Variants in TAGAP observed in about 807,000 individuals in gnomAD.
TAGAP encodes the protein T cell activation RhoGTPase activating protein.
A neutral mutation model predicts 36.0 loss-of-function variants in TAGAP; 16 were observed. That is an observed-to-expected ratio of 0.44 (90% CI 0.30 to 0.68). TAGAP has a LOEUF of 0.68. TAGAP is among the 30% of genes least tolerant of loss of function. The pLI, the probability that TAGAP is intolerant of heterozygous loss-of-function variation, is 0.09. For missense variants in TAGAP, 794 were observed against 921.5 expected (o/e 0.86, Z 1.79); for synonymous variants, 372 against 377.4 (o/e 0.99, Z 0.17).
Position 159,043,593 on chromosome 6 carries a change from G to T in TAGAP, c.144C>A (p.Leu48=). The T allele has an allele frequency of 6.2e-7, 1 of 1,614,020 alleles. No homozygotes were observed. The highest frequency in any genetic ancestry group is 1.1e-5 in the South Asian group (1 of 91,066). ...SCESEDSICQ[L]IEVKKRKKVL... The stretch of plus-strand genomic sequence containing the variant: ...CGGTATGTTTTTAAAACTCACCAAT[G>T]AGCTGGCAAATACTGTCTTCACTCT... The change falls in exon 4 of 10, where the codon CTC becomes CTA. Residue 48 remains leucine, a synonymous_variant. Transcript: ENST00000367066.
chr6:159,038,920 G>A, intron 8 of TAGAP, 194 bp downstream of exon 8: 1 of 1,428,576 alleles, frequency 7.0e-7, no homozygotes, highest in Non-Finnish European at 9.2e-7. Context: ...GATGACAGAA[G>A]ACACGGATTT....
Position 159,036,207 on chromosome 6 carries a change from T to C in TAGAP, c.1816A>G (p.Arg606Gly). ...YEEAMQGPAA[R>G]LVASESQTVG... ...GTCTGGCTCTCGGAGGCCACTAGTCTGGCTGCCGGGCCCTGCATGGCCTCT... is the reference window on the plus strand; with the variant it reads ...GTCTGGCTCTCGGAGGCCACTAGTCCGGCTGCCGGGCCCTGCATGGCCTCT... The change falls in exon 10 of 10, where the codon AGA becomes GGA. Residue 606 changes from arginine to glycine, a missense_variant. By Grantham distance (125) the Arg-to-Gly change is moderately radical. Transcript: ENST00000367066. This position sits in a 1 kb window ranked among gnomAD's most constrained non-coding sequence, Gnocchi z 4.9. 6.2e-7 allele frequency: 1 copy of C among 1,610,792 alleles called. No homozygotes were observed. The highest frequency in any genetic ancestry group is 8.5e-7 in the Non-Finnish European group (1 of 1,178,824).
Position 159,036,370 on chromosome 6 carries a change from G to C in TAGAP, c.1653C>G (p.Gly551=). ...CACACCCATTTTCCTGCACGATTCG[G>C]CCGGCAAGCTGGCTTTCCTTTCTGA... ...RGVRKESQLA[G]RIVQENGCET... The change falls in exon 10 of 10, where the codon GGC becomes GGG. Residue 551 remains glycine, a synonymous_variant. Transcript: ENST00000367066. This position sits in a 1 kb window ranked among gnomAD's most constrained non-coding sequence, Gnocchi z 4.9. 6.2e-7 allele frequency: 1 copy of C among 1,614,060 alleles called. No homozygotes were observed.
chr6:159,043,826 T>C (rs897566984), intron 3 of TAGAP, 152 bp downstream of exon 3: 14 of 965,020 alleles, frequency 1.5e-5, no homozygotes, highest in Non-Finnish European at 2.2e-5. Context: ...TGTCATCATA[T>C]AAGATCCTAA....
chr6:159,036,929 A>C lies in TAGAP; in HGVS notation c.1094T>G (p.Leu365Arg). The C allele has an allele frequency of 6.2e-7, 1 of 1,613,654 alleles. No homozygotes were observed. Among genetic ancestry groups the C allele is most frequent in the Non-Finnish European group, 8.5e-7 (1 of 1,179,640 alleles). ...PEPIVSTVAR[L>R]KSSLAQPDRR... ...ATCGGGCTGTGCGAGGGAGCTTTTC[A>C]GCCTGGCCACGGTGCTCACAATGGG... The change falls in exon 10 of 10, where the codon CTG (leucine) becomes CGG (arginine). Residue 365 changes from leucine (L) to arginine (R), a missense_variant. Coordinates refer to ENST00000367066, the MANE Select transcript of TAGAP (RefSeq NM_054114.5). This position sits in a 1 kb window ranked among gnomAD's most constrained non-coding sequence, Gnocchi z 4.9.
At position 159,041,011 on chromosome 6, in the gene TAGAP, C is replaced by T. The variant is rs1280291244; in HGVS notation, c.478-179G>A. 3 of 597,558 alleles carry T rather than the reference C, an allele frequency of 5.0e-6. No homozygotes were observed. In the African/African-American group the frequency reaches 5.6e-5, roughly 11 times the overall value. 37.0% of individuals were successfully genotyped at this position (597,558 alleles called of 1,614,324 possible). ...CCTCTCTCCAACACCCTTGGCCTCT[C>T]TGCAACTTTCTAACATCAGGCAGAG... On this transcript the variant is annotated intron_variant, in intron 6 of 9. Coordinates refer to ENST00000367066, the MANE Select transcript of TAGAP (RefSeq NM_054114.5). This position sits in a 1 kb window ranked among gnomAD's most constrained non-coding sequence, Gnocchi z 4.1.
In TAGAP at chr6:159,035,023, T is replaced by C. The variant is rs1439942674; in HGVS notation, c.*804A>G. 6.6e-6 allele frequency: 1 copy of C among 152,342 alleles called. No individual in the cohort carries two copies. The highest frequency in any genetic ancestry group is 1.5e-5 in the Non-Finnish European group (1 of 68,032). 9.4% of individuals were successfully genotyped at this position (152,342 alleles called of 1,614,324 possible). ...CTTTCAAATAAGGAAGGCAATTTAT[T>C]GTAGTGAAATTACATTGAAGTTTTA... On this transcript the variant is annotated 3_prime_UTR_variant, in exon 10 of 10. Coordinates refer to ENST00000367066, the MANE Select transcript of TAGAP (RefSeq NM_054114.5).
rs1387800765 is a variant in TAGAP, at chr6:159,036,973, G to T, written c.1050C>A (p.Ala350=). 2.5e-6 allele frequency: 4 copies of T among 1,613,544 alleles called. No homozygotes were observed. The highest frequency in any genetic ancestry group is 1.3e-5 in the African/African-American group (1 of 74,852). ...AGLDSAGPQD[A]REVSPEPIVS... is the part of the protein sequence containing the mutation. ...CAATGGGCTCTGGGCTGACCTCTCG[G>T]GCATCCTGTGGGCCCGCGCTATCCA... The change falls in exon 10 of 10, where the codon GCC becomes GCA. Residue 350 remains alanine (A), a synonymous_variant. Coordinates refer to ENST00000367066, the MANE Select transcript of TAGAP (RefSeq NM_054114.5). The surrounding 1 kb of genome is among the most constrained non-coding windows in gnomAD (Gnocchi z 4.9).
rs1461708347 is a variant in TAGAP, at chr6:159,043,489, C to A, written c.148+100G>T. 6.3e-6 allele frequency: 7 copies of A among 1,113,830 alleles called. No homozygotes were observed. The East Asian group carries it at 1.7e-4, about 26-fold the overall frequency. The allele number at this position is 1,113,830 out of a possible 1,614,324, so 69.0% of individuals were successfully genotyped here. A position where few individuals can be genotyped will look rare whatever the true frequency, so the allele number is the denominator to read the frequency against. On this transcript the variant is annotated intron_variant, in intron 4 of 9. Coordinates refer to ENST00000367066, the MANE Select transcript of TAGAP (RefSeq NM_054114.5). Reference sequence around the variant, plus strand: ...GCGGTCTTTAACAGAACAACTTATACAAAAAAATTCCTAGTAGAGTAAAAG... The same window carrying A: ...GCGGTCTTTAACAGAACAACTTATAAAAAAAAATTCCTAGTAGAGTAAAAG...
At position 159,036,759 on chromosome 6, in the gene TAGAP, A is replaced by G. The variant is rs1179713135; in HGVS notation, c.1264T>C (p.Phe422Leu). 15 of 1,614,130 alleles carry G rather than the reference A, an allele frequency of 9.3e-6. No individual in the cohort carries two copies. Among genetic ancestry groups the G allele is most frequent in the Non-Finnish European group, 1.2e-5 (14 of 1,179,990 alleles). ...ACTGCAGGGAAGACCTCCTCTGGAA[A>G]TGGGTCTTCAGCCTCCTCACTTTCC... ...RLESEEAEDP[F>L]PEEVFPAVQG... The change falls in exon 10 of 10, where the codon TTT becomes CTT. Residue 422 changes from phenylalanine to leucine, a missense_variant. Transcript: ENST00000367066. This position sits in a 1 kb window ranked among gnomAD's most constrained non-coding sequence, Gnocchi z 4.9.
At chr6:159,044,819 GA>G in intron 1 of TAGAP, 59 bp downstream of exon 1, 1 of 397,626 alleles carries the variant, frequency 2.5e-6, no homozygotes, top group Non-Finnish European at 4.4e-6. Context: ...TGATCTGAGT[GA>G]CCTGTGACTT....
chr6:159,043,515 C>T, intron 4 of TAGAP, 74 bp downstream of exon 4: 2 of 1,405,506 alleles, frequency 1.4e-6, no homozygotes, highest in Non-Finnish European at 2.0e-6. Context: ...AGAGTAAAAG[C>T]GCTGTGGTTT....
Position 159,044,212 on chromosome 6 carries a change from G to A in TAGAP, c.-58-8C>T. ...GTGTGGCTGTGCCTCTGTCTACAAC[G>A]AATCACATGGAAAGGAGTTAGGAGG... On this transcript the variant is annotated splice_polypyrimidine_tract_variant and splice_region_variant and intron_variant, in intron 1 of 9. Transcript: ENST00000367066. The A allele has an allele frequency of 3.2e-6, 5 of 1,563,880 alleles. No homozygotes were observed. Among genetic ancestry groups the A allele is most frequent in the East Asian group, 4.5e-5 (2 of 44,330 alleles).
Position 159,039,104 on chromosome 6 carries a change from C to A in TAGAP, c.783+10G>T. ...AAGTTGGGGATTTCTCATCAGTAAG[C>A]AGAACAAACCTTGTTGTTCAGGTCC... On this transcript the variant is annotated intron_variant, in intron 8 of 9. Transcript: ENST00000367066. 6.2e-7 allele frequency: 1 copy of A among 1,614,172 alleles called. No individual in the cohort carries two copies. The highest frequency in any genetic ancestry group is 8.5e-7 in the Non-Finnish European group (1 of 1,180,018).
At position 159,041,643 on chromosome 6, in the gene TAGAP, C is replaced by A. The variant is rs74604311; in HGVS notation, c.316-128G>T. ...AGTTGCTGTCAATGGCCTTCCTCAACCCTGCTATTTTTCTAAGAGGAGGCA... is the reference window on the plus strand; with the variant it reads ...AGTTGCTGTCAATGGCCTTCCTCAAACCTGCTATTTTTCTAAGAGGAGGCA... On this transcript the variant is annotated intron_variant, in intron 5 of 9. Coordinates refer to ENST00000367066, the MANE Select transcript of TAGAP (RefSeq NM_054114.5). This position sits in a 1 kb window ranked among gnomAD's most constrained non-coding sequence, Gnocchi z 4.1. 9.1e-7 allele frequency: 1 copy of A among 1,094,178 alleles called. No homozygotes were observed. Among genetic ancestry groups the A allele is most frequent in the Non-Finnish European group, 1.3e-6 (1 of 798,130 alleles). The allele number at this position is 1,094,178 out of a possible 1,614,324, so 67.8% of individuals were successfully genotyped here. A position where few individuals can be genotyped will look rare whatever the true frequency, so the allele number is the denominator to read the frequency against.
At position 159,044,008 on chromosome 6, in the gene TAGAP, A is replaced by G; in HGVS notation, c.51T>C (p.Asn17=). ...ATTGACATTCGATTAGTGTCTCCAT[A>G]TTATTGGCGTTTAGTGTTTTTGACT... ...HNASKTLNAN[N]METLIECQSE... The change falls in exon 3 of 10, where the codon AAT becomes AAC. Residue 17 remains asparagine (N), a synonymous_variant. Transcript: ENST00000367066. The G allele has an allele frequency of 1.2e-6, 2 of 1,613,938 alleles. No homozygotes were observed. The highest frequency in any genetic ancestry group is 1.3e-5 in the African/African-American group (1 of 75,056).
intron 4 of TAGAP, 200 bp from the exon 5 acceptor site, chr6:159,042,444 T>C: frequency 8.1e-7 from 1 of 1,229,304 alleles, no homozygotes; most frequent in Non-Finnish European, 1.1e-6. Flanking sequence ...ACCACACTGT[T>C]ACCAGGGCAA....
rs145619685 is a variant in TAGAP, at chr6:159,036,193, G to A, written c.1830C>T (p.Ser610=). The A allele has an allele frequency of 5.9e-4, 946 of 1,610,920 alleles. No homozygotes were observed. The highest frequency in any genetic ancestry group is 7.0e-4 in the Non-Finnish European group (824 of 1,178,726). ...MQGPAARLVA[S]ESQTVGSMTV... ...TCATGCTCCCCACGGTCTGGCTCTC[G>A]GAGGCCACTAGTCTGGCTGCCGGGC... The change falls in exon 10 of 10, where the codon TCC becomes TCT. Residue 610 remains serine, a synonymous_variant. Coordinates refer to ENST00000367066, the MANE Select transcript of TAGAP (RefSeq NM_054114.5). The surrounding 1 kb of genome is among the most constrained non-coding windows in gnomAD (Gnocchi z 4.9).
In TAGAP at chr6:159,041,118, T is replaced by C; in HGVS notation, c.477+236A>G. 1.6e-6 allele frequency: 1 copy of C among 611,334 alleles called. No individual in the cohort carries two copies. The highest frequency in any genetic ancestry group is 2.2e-5 in the South Asian group (1 of 44,512). The allele number at this position is 611,334 out of a possible 1,614,324, so 37.9% of individuals were successfully genotyped here. ...TGGATTCTGCCACGGAACAATCAAA[T>C]TGCCCGTACTTGGCAAAGTTTTGGG... On this transcript the variant is annotated intron_variant, in intron 6 of 9. Coordinates refer to ENST00000367066, the MANE Select transcript of TAGAP (RefSeq NM_054114.5). This position sits in a 1 kb window ranked among gnomAD's most constrained non-coding sequence, Gnocchi z 4.1.
Sources: allele counts gnomAD v4.1 joint callset, GRCh38; gene constraint gnomAD v4.1.1; non-coding constraint Gnocchi (gnomAD v3.1); transcripts MANE v1.5; gene names NCBI Gene and HGNC (gene_info 2026-07-23, HGNC 2026-07-21).